STX6: variants seen among roughly 807,000 people sequenced by gnomAD.
STX6 encodes syntaxin 6.
STX6 carries 23 observed loss-of-function variants against 38.0 expected under a neutral mutation model. The observed-to-expected ratio is 0.60, with a 90% CI of 0.43 to 0.86. STX6 has a LOEUF of 0.86. Among genes scored for constraint, STX6 ranks in the 40% least tolerant of loss-of-function variants. STX6 has a pLI of 0.00. For missense variants in STX6, 274 were observed against 312.9 expected (o/e 0.88, Z 0.94); for synonymous variants, 123 against 107.5 (o/e 1.14, Z -0.89).
intron 4 of STX6, among the ~76,000 whole-genome samples, chr1:180,990,895 G>GTTCCA (rs1220775100): frequency 1.3e-5 from 2 of 152,186 alleles, no homozygotes; most frequent in African/African-American, 4.8e-5. Flanking sequence ...GAATGTGAGA[G>GTTCCA]TTCCATCTCA....
intron 1 of STX6, among the ~76,000 whole-genome samples, chr1:181,008,426 G>A (rs1417176542): frequency 6.6e-6 from 1 of 152,192 alleles, no homozygotes; most frequent in Non-Finnish European, 1.5e-5. Context: ...AATGCCCCCA[G>A]TGAGCATTTC....
chr1:180,990,423 T>G lies in STX6; in HGVS notation c.364-314A>C, dbSNP rs184748073. Among the ~76,000 whole-genome samples the G allele has an allele frequency of 3.9e-4, 60 of 152,252 alleles. No homozygotes were observed. The East Asian group carries it at 6.6e-3, about 17-fold the overall frequency. ...TGTTATAATTGAAAAGCATTCAATC[T>G]CTTGTAAAAGAGCTCTTCCTGGTAC... On this transcript the variant is annotated intron_variant, in intron 4 of 7. Coordinates refer to ENST00000258301, the MANE Select transcript of STX6 (RefSeq NM_005819.6).
intron 7 of STX6, among the ~76,000 whole-genome samples, chr1:180,983,190 T>C (rs534357808): frequency 3.2e-4 from 49 of 152,176 alleles, no homozygotes; most frequent in Admixed American, 8.5e-4. Context: ...AGAACTGTTA[T>C]GTAACCTATG....
rs1012086536 is a variant in STX6, at chr1:180,974,933, A to G, written c.*1637T>C. ...AACAGGCATATTTTCTTAACCTACC[A>G]TGATCTCAAATGAGATAAAATATCC... On this transcript the variant is annotated 3_prime_UTR_variant, in exon 8 of 8. Coordinates refer to ENST00000258301, the MANE Select transcript of STX6 (RefSeq NM_005819.6). The G allele has an allele frequency of 6.6e-6, 1 of 152,664 alleles. No individual in the cohort carries two copies. The highest frequency in any genetic ancestry group is 1.5e-5 in the Non-Finnish European group (1 of 68,036). The allele number at this position is 152,664 out of a possible 1,614,324, so 9.5% of individuals were successfully genotyped here. A position where few individuals can be genotyped will look rare whatever the true frequency, so the allele number is the denominator to read the frequency against.
At chr1:181,014,702 C>G (rs932917077) in intron 1 of STX6, among the ~76,000 whole-genome samples, 2 of 152,188 alleles carry the variant, frequency 1.3e-5, no homozygotes, top group Admixed American at 6.5e-5. Flanking sequence ...CCTGGTTTCA[C>G]CACTCATCTC....
intron 1 of STX6, among the ~76,000 whole-genome samples, chr1:181,013,193 A>G (rs1656458438): frequency 6.6e-6 from 1 of 152,094 alleles, no homozygotes; most frequent in South Asian, 2.1e-4. Flanking sequence ...TCTTACTTGC[A>G]TCTAACCAAG....
intron 7 of STX6, among the ~76,000 whole-genome samples, chr1:180,981,733 C>T (rs2331903): frequency 0.56 from 85,034 of 152,012 alleles, 24,137 homozygotes; most frequent in East Asian, 0.63. Context: ...GCTGCCTCTA[C>T]GAAGCATGAA....
At chr1:180,981,380 A>G (rs572720435) in intron 7 of STX6, among the ~76,000 whole-genome samples, 5 of 152,316 alleles carry the variant, frequency 3.3e-5, no homozygotes, top group Non-Finnish European at 7.3e-5. Flanking sequence ...AATGCTTACA[A>G]TAATTTAAAA....
At chr1:180,988,009 T>C (rs1225293993) in intron 6 of STX6, 3 of 388,324 alleles carry the variant, frequency 7.7e-6, no homozygotes, top group African/African-American at 6.3e-5. Context: ...GTGTCTGTTT[T>C]TGGAGGTGTT....
chr1:180,999,853 T>G (rs1448339990), intron 3 of STX6, among the ~76,000 whole-genome samples: 1 of 152,232 alleles, frequency 6.6e-6, no homozygotes, highest in Non-Finnish European at 1.5e-5. Context: ...GAACTTCATT[T>G]CATCTCATTT....
At chr1:180,989,006 T>C (rs1209624618) in intron 5 of STX6, 2 of 152,294 alleles carry the variant, frequency 1.3e-5, no homozygotes, top group African/African-American at 4.8e-5. Context: ...ATAAACTACA[T>C]GTATACATAA....
At chr1:180,994,664 G>A (rs1308934341) in intron 3 of STX6, among the ~76,000 whole-genome samples, 1 of 152,192 alleles carries the variant, frequency 6.6e-6, no homozygotes, top group Admixed American at 6.5e-5. Context: ...GGTTACCTGA[G>A]GCCAGAAGAG....
chr1:181,002,933 G>A (rs532132972), intron 2 of STX6, among the ~76,000 whole-genome samples: 3 of 152,334 alleles, frequency 2.0e-5, no homozygotes, highest in Non-Finnish European at 2.9e-5. Flanking sequence ...AGCCCCTGCT[G>A]ATGAGCTTCA....
chr1:181,010,968 T>C (rs1259783450), intron 1 of STX6, among the ~76,000 whole-genome samples: 2 of 151,960 alleles, frequency 1.3e-5, no homozygotes, highest in Non-Finnish European at 2.9e-5. Context: ...TAGCACTGAG[T>C]GTGAAGCCAA....
intron 1 of STX6, among the ~76,000 whole-genome samples, chr1:181,005,866 C>T (rs1283244807): frequency 6.6e-6 from 1 of 152,050 alleles, no homozygotes; most frequent in African/African-American, 2.4e-5. Flanking sequence ...CCTAATATGG[C>T]CTTTCTTTTC....
At position 180,984,736 on chromosome 1, in the gene STX6, G is replaced by C. The variant is rs919576431; in HGVS notation, c.632C>G (p.Thr211Ser). The C allele has an allele frequency of 6.3e-7, 1 of 1,596,232 alleles. No homozygotes were observed. Among genetic ancestry groups the C allele is most frequent in the Non-Finnish European group, 8.6e-7 (1 of 1,163,936 alleles). The change falls in exon 7 of 8, where the codon ACT (threonine) becomes AGT (serine). Residue 211 changes from threonine to serine, a missense_variant. Thr to Ser is a moderately conservative substitution (Grantham distance 58). Coordinates refer to ENST00000258301, the MANE Select transcript of STX6 (RefSeq NM_005819.6). ...LEDFSHELES[T>S]QSRLDNVMKK... ...CATCACATTGTCCAGCCGGGACTGA[G>C]TGCTCTCCAATTCGTGAGAGAAATC...
chr1:180,998,546 A>G (rs932081418), intron 3 of STX6, among the ~76,000 whole-genome samples: 2 of 152,024 alleles, frequency 1.3e-5, no homozygotes, highest in Admixed American at 1.3e-4. Flanking sequence ...ACACCCAGCT[A>G]ATTTTTGTAT....
rs148413224 is a variant in STX6 at position 181,003,124 on chromosome 1, TAG to T, written c.206-426_206-425del. On this transcript the variant is annotated intron_variant, in intron 2 of 7. Coordinates refer to ENST00000258301, the MANE Select transcript of STX6 (RefSeq NM_005819.6). ...AAGATGCTAACCCTACTTCTTAATCTAGAGAGATCGGGCCTTCTTCAGAGAAG... is the reference window on the plus strand; with the variant it reads ...AAGATGCTAACCCTACTTCTTAATCTAGAGATCGGGCCTTCTTCAGAGAAG... Among the ~76,000 whole-genome samples the T allele has an allele frequency of 7.5e-4, 115 of 152,362 alleles. 1 individual carries two copies. The East Asian group carries it at 0.02, about 27-fold the overall frequency.
At chr1:180,979,254 G>GA (rs1214175532) in intron 7 of STX6, among the ~76,000 whole-genome samples, 2 of 151,708 alleles carry the variant, frequency 1.3e-5, no homozygotes, top group Non-Finnish European at 2.9e-5. Context: ...AAAAAAGACT[G>GA]AAAAAAAACC....
Sources: gnomAD v4.1 joint callset for allele counts (sites outside exome capture counted in the v4.1 genomes callset) on GRCh38, gnomAD v4.1.1 for gene constraint, MANE v1.5 for transcripts, NCBI Gene and HGNC (gene_info 2026-07-23, HGNC 2026-07-21) for gene names.